The following FBXW10 variants were observed in gnomAD, a reference collection of about 807,000 sequenced individuals.
FBXW10 encodes F-box/WD repeat-containing protein 10.
FBXW10 carries 68 observed loss-of-function variants against 113.1 expected under a neutral mutation model. The ratio of observed to expected loss-of-function variants is 0.60; its 90% confidence interval spans 0.49 to 0.74. The LOEUF is 0.74. Ranked by LOEUF, FBXW10 falls within the 30% of genes least tolerant of loss-of-function variation. FBXW10 has a pLI of 0.00. For missense variants in FBXW10, 753 were observed against 1,284.5 expected (o/e 0.59, Z 6.32); for synonymous variants, 289 against 481.6 (o/e 0.60, Z 5.24).
At chr17:18,775,684 T>C (rs1331566052) in intron 13 of FBXW10, among the ~76,000 whole-genome samples, 2 of 152,138 alleles carry the variant, frequency 1.3e-5, no homozygotes, top group South Asian at 2.1e-4. Context: ...GTGCTATATA[T>C]GTGAGATAAA....
chr17:18,744,388 C>T lies in FBXW10; in HGVS notation c.144C>T (p.Ile48=), dbSNP rs2034996255. The part of the protein sequence containing the change: ...IFSTKEWFCR[I]NDISQRRFLV... ...CTACCAAAGAGTGGTTCTGCAGGAT[C>T]AATGACATATCACAGAGGAGGTTTC... Residue 48 remains isoleucine (I), a synonymous_variant, in exon 1 of 14, where the codon ATC becomes ATT. Coordinates refer to ENST00000395665, the MANE Select transcript of FBXW10 (RefSeq NM_001267585.2). 6 of 1,613,594 alleles carry T rather than the reference C, an allele frequency of 3.7e-6. No individual in the cohort carries two copies. Among genetic ancestry groups the T allele is most frequent in the African/African-American group, 1.3e-5 (1 of 74,814 alleles).
At chr17:18,768,724 C>T (rs749345594) in intron 10 of FBXW10, 48 bp downstream of exon 10, 606 of 1,601,646 alleles carry the variant, frequency 3.8e-4, no homozygotes, top group Non-Finnish European at 4.6e-4. Flanking sequence ...TCCTTCCCTT[C>T]CCCGTCATAG....
intron 11 of FBXW10, among the ~76,000 whole-genome samples, chr17:18,771,768 C>G (rs2035616607): frequency 6.6e-6 from 1 of 152,120 alleles, no homozygotes. Context: ...TTCTTGGCAC[C>G]CTAGGTACGT....
At position 18,778,219 on chromosome 17, in the gene FBXW10, C is replaced by T. The variant is rs2035738186; in HGVS notation, c.2336-256C>T. On this transcript the variant is annotated intron_variant, in intron 13 of 13. Transcript: ENST00000395665. Reference sequence around the variant, plus strand: ...AGTGAGCAGAGATCATGCCACTGCACTCCAGCCTGGGTGACAGAGCGAGAC... The same window carrying T: ...AGTGAGCAGAGATCATGCCACTGCATTCCAGCCTGGGTGACAGAGCGAGAC... Among the ~76,000 whole-genome samples the T allele has an allele frequency of 2.0e-5, 3 of 152,208 alleles. No individual in the cohort carries two copies. In the South Asian group the frequency reaches 6.2e-4, roughly 31 times the overall value.
chr17:18,766,540 G>A (rs991020004), intron 8 of FBXW10, among the ~76,000 whole-genome samples, 174 bp from the exon 9 acceptor site: 11 of 152,264 alleles, frequency 7.2e-5, no homozygotes, highest in East Asian at 3.9e-4. Context: ...GCACATGAGC[G>A]GTTGGTGAGC....
rs752873990 is a variant in FBXW10 at position 18,744,417 on chromosome 17, T to A, written c.173T>A (p.Val58Asp). 6.2e-7 allele frequency: 1 copy of A among 1,613,788 alleles called. No individual in the cohort carries two copies. Among genetic ancestry groups the A allele is most frequent in the Non-Finnish European group, 8.5e-7 (1 of 1,179,812 alleles). ...GACATATCACAGAGGAGGTTTCTAG[T>A]TGGCATTCTGAAGCAGTTAAATAGC... Reference protein sequence around the residue: ...INDISQRRFLVGILKQLNSLY... With the variant: ...INDISQRRFLDGILKQLNSLY... The change falls in exon 1 of 14, where the codon GTT becomes GAT. Residue 58 changes from valine to aspartate, a missense_variant. Val to Asp is a radical substitution (Grantham distance 152). Coordinates refer to ENST00000395665, the MANE Select transcript of FBXW10 (RefSeq NM_001267585.2).
intron 5 of FBXW10, among the ~76,000 whole-genome samples, 171 bp downstream of exon 5, chr17:18,751,224 C>CTT (rs11331150): frequency 9.3e-5 from 13 of 140,170 alleles, no homozygotes; most frequent in African/African-American, 1.6e-4. Context: ...GACACTTCCT[C>CTT]TTTTTTTTTT....
rs747327285 is a variant in FBXW10, at chr17:18,764,682, C to T, written c.1434-60C>T. 63 of 1,613,052 alleles carry T rather than the reference C, an allele frequency of 3.9e-5. No homozygotes were observed. The Middle Eastern group carries it at 9.9e-4, about 25-fold the overall frequency. ...TAACTACTTATCTACATGGGTTCTA[C>T]GCAGTATGATCCTCTGGGCCCTCAG... is the stretch of plus-strand genomic sequence containing the variant. On this transcript the variant is annotated intron_variant, in intron 7 of 13. Coordinates refer to ENST00000395665, the MANE Select transcript of FBXW10 (RefSeq NM_001267585.2).
At chr17:18,772,852 T>C (rs2035641858) in intron 12 of FBXW10, among the ~76,000 whole-genome samples, 169 bp downstream of exon 12, 1 of 152,112 alleles carries the variant, frequency 6.6e-6, no homozygotes, top group East Asian at 1.9e-4. Context: ...CCATTCTCTC[T>C]GATCCACTAA....
chr17:18,747,884 A>G, intron 1 of FBXW10, 57 bp from the exon 2 acceptor site: 1 of 1,612,372 alleles, frequency 6.2e-7, no homozygotes, highest in Non-Finnish European at 8.5e-7. Context: ...TCTCCACCTC[A>G]TTTTCCTCAA....
In FBXW10 at chr17:18,766,724, A is replaced by G. The variant is rs775598490; in HGVS notation, c.1566A>G (p.Val522=). The part of the protein sequence containing the change: ...GRDCQVKVWD[V]DTGKCLKTFR... ...CTCCCTCCTGTTCAGTATGGGATGT[A>G]GACACAGGGAAGTGCCTGAAGACGT... The change falls in exon 9 of 14, where the codon GTA becomes GTG. Residue 522 remains valine (V), a synonymous_variant. Coordinates refer to ENST00000395665, the MANE Select transcript of FBXW10 (RefSeq NM_001267585.2). 6.2e-7 allele frequency: 1 copy of G among 1,613,760 alleles called. No homozygotes were observed. The highest frequency in any genetic ancestry group is 8.5e-7 in the Non-Finnish European group (1 of 1,179,754).
chr17:18,751,387 G>A (rs1198987774), intron 5 of FBXW10, among the ~76,000 whole-genome samples: 3 of 151,900 alleles, frequency 2.0e-5, no homozygotes, highest in African/African-American at 7.3e-5. Flanking sequence ...CACCACGCCC[G>A]GCTAATTTTT....
Position 18,770,003 on chromosome 17 carries a change from T to G in FBXW10, c.1924T>G (p.Phe642Val). The change falls in exon 11 of 14, where the codon TTC becomes GTC. Residue 642 changes from phenylalanine to valine, a missense_variant. Physicochemically the swap from Phe to Val is conservative, Grantham distance 50. Transcript: ENST00000395665. ...CADGKIRIYN[F>V]LNGNCMKVLK... is the part of the protein sequence containing the mutation. Reference sequence around the variant, plus strand: ...AGATGGCAAGATCCGAATTTACAATTTCCTCAACGGGAACTGTATGAAGGT... The same window carrying G: ...AGATGGCAAGATCCGAATTTACAATGTCCTCAACGGGAACTGTATGAAGGT... 6.2e-7 allele frequency: 1 copy of G among 1,614,196 alleles called. No homozygotes were observed. Among genetic ancestry groups the G allele is most frequent in the Non-Finnish European group, 8.5e-7 (1 of 1,180,040 alleles).
intron 7 of FBXW10, among the ~76,000 whole-genome samples, chr17:18,763,247 C>G (rs1949610425): frequency 6.6e-6 from 1 of 151,776 alleles, no homozygotes; most frequent in African/African-American, 2.4e-5. Flanking sequence ...AGCTCTGCCT[C>G]CCAGGTTCAC....
chr17:18,752,922 G>A (rs1257179328), intron 5 of FBXW10, among the ~76,000 whole-genome samples: 1 of 152,244 alleles, frequency 6.6e-6, no homozygotes. Context: ...ATAACACAAA[G>A]AATACCCTTC....
In FBXW10 at chr17:18,775,121, T is replaced by C; in HGVS notation, c.2279-15T>C. The C allele has an allele frequency of 6.3e-7, 1 of 1,589,408 alleles. No individual in the cohort carries two copies. Among genetic ancestry groups the C allele is most frequent in the Non-Finnish European group, 8.6e-7 (1 of 1,157,882 alleles). On this transcript the variant is annotated splice_polypyrimidine_tract_variant and intron_variant, in intron 12 of 13. Coordinates refer to ENST00000395665, the MANE Select transcript of FBXW10 (RefSeq NM_001267585.2). ...GTATATAATGACTACAGCTTCTTCC[T>C]CAATCTCAATTTAGCAGTGTTAATA...
At chr17:18,759,867 G>A (rs1256550509) in intron 7 of FBXW10, among the ~76,000 whole-genome samples, 8 of 152,102 alleles carry the variant, frequency 5.3e-5, no homozygotes, top group African/African-American at 1.2e-4. Context: ...CACCCGCCTC[G>A]GCCTCCTAAA....
At chr17:18,746,720 A>G (rs1346367225) in intron 1 of FBXW10, among the ~76,000 whole-genome samples, 4 of 152,160 alleles carry the variant, frequency 2.6e-5, no homozygotes, top group Non-Finnish European at 5.9e-5. Flanking sequence ...TAGGTCACCC[A>G]CCACGTGGGC....
chr17:18,776,011 T>C (rs1200441607), intron 13 of FBXW10, among the ~76,000 whole-genome samples: 2 of 129,842 alleles, frequency 1.5e-5, no homozygotes, highest in African/African-American at 5.9e-5. Context: ...ACCTTGCCTC[T>C]TAAAGAAAAG....
Sources: allele counts gnomAD v4.1 joint callset (sites outside exome capture counted in the v4.1 genomes callset), GRCh38; gene constraint gnomAD v4.1.1; transcripts MANE v1.5; gene names NCBI Gene and HGNC (gene_info 2026-07-23, HGNC 2026-07-21).